Variants in GALNTL6 observed in about 807,000 individuals in gnomAD.
GALNTL6 encodes polypeptide N-acetylgalactosaminyltransferase like 6.
A neutral mutation model predicts 73.7 loss-of-function variants in GALNTL6; 46 were observed. The observed-to-expected ratio is 0.62, with a 90% CI of 0.49 to 0.80. The LOEUF (loss-of-function observed/expected upper bound fraction) is 0.80, where lower values mean the gene tolerates loss of function less well. Ranked by LOEUF, GALNTL6 falls within the 30% of genes least tolerant of loss-of-function variation. GALNTL6 has a pLI of 0.00. For missense variants in GALNTL6, 604 were observed against 755.0 expected, an observed-to-expected ratio of 0.80 and a Z score of 2.34; for synonymous variants, 259 against 263.7, an observed-to-expected ratio of 0.98 and a Z score of 0.17.
chr4:172,765,997 G>A (rs181154194), intron 5 of GALNTL6, among the ~76,000 whole-genome samples: 2 of 152,156 alleles, frequency 1.3e-5, no homozygotes, highest in African/African-American at 4.8e-5. Flanking sequence ...AACCATTCAG[G>A]GGGATAAATT....
At chr4:172,642,658 A>G (rs556146508) in intron 5 of GALNTL6, among the ~76,000 whole-genome samples, 29 of 152,122 alleles carry the variant, frequency 1.9e-4, no homozygotes, top group Admixed American at 1.7e-3. Context: ...CATGGTCACT[A>G]AAGTTAATAA....
intron 3 of GALNTL6, among the ~76,000 whole-genome samples, chr4:172,270,187 GTA>G (rs1401791929): frequency 1.7e-5 from 2 of 116,554 alleles, no homozygotes; most frequent in Non-Finnish European, 3.6e-5. Flanking sequence ...GTGTGTGTGT[GTA>G]TGTGTGTGTG....
chr4:172,795,598 TG>T (rs1300305878), intron 5 of GALNTL6, among the ~76,000 whole-genome samples: 3 of 152,216 alleles, frequency 2.0e-5, no homozygotes, highest in Non-Finnish European at 2.9e-5. Flanking sequence ...GTACACAAGA[TG>T]TTTTTTGATA....
chr4:171,882,328 A>T (rs1315017398), intron 2 of GALNTL6, among the ~76,000 whole-genome samples: 1 of 152,236 alleles, frequency 6.6e-6, no homozygotes, highest in African/African-American at 2.4e-5. Context: ...TAATATGTGG[A>T]TAGGAGATGC....
At chr4:171,988,860 T>C (rs1373852505) in intron 2 of GALNTL6, among the ~76,000 whole-genome samples, 1 of 151,924 alleles carries the variant, frequency 6.6e-6, no homozygotes, top group Non-Finnish European at 1.5e-5. Flanking sequence ...AGTAGAGGTG[T>C]CTTATACTTG....
rs17058998 is a variant in GALNTL6 at position 172,901,459 on chromosome 4, C to T, written c.1041+18552C>T. On this transcript the variant is annotated intron_variant, in intron 8 of 12. Transcript: ENST00000506823. Reference sequence around the variant, plus strand: ...ACAGTGGAAAGCACTGTAAAATATACCCTGGTCAGCATTTAAGGTCTGGAA... The same window carrying T: ...ACAGTGGAAAGCACTGTAAAATATATCCTGGTCAGCATTTAAGGTCTGGAA... Among the ~76,000 whole-genome samples the T allele has an allele frequency of 7.2e-3, 1,094 of 152,132 alleles. 15 individuals are homozygous for T. The highest frequency in any genetic ancestry group is 0.025 in the African/African-American group (1,042 of 41,528).
intron 5 of GALNTL6, among the ~76,000 whole-genome samples, chr4:172,680,851 A>G (rs1389306439): frequency 6.6e-6 from 1 of 152,248 alleles, no homozygotes; most frequent in East Asian, 1.9e-4. Context: ...CAAGGGTTAC[A>G]AAACAGTAAT....
At chr4:172,899,994 T>C (rs1240616633) in intron 8 of GALNTL6, among the ~76,000 whole-genome samples, 3 of 152,134 alleles carry the variant, frequency 2.0e-5, no homozygotes, top group African/African-American at 7.2e-5. Context: ...ATCAGCAAGG[T>C]CTTTATGACC....
At chr4:172,685,932 C>A (rs1732891486) in intron 5 of GALNTL6, among the ~76,000 whole-genome samples, 2 of 152,126 alleles carry the variant, frequency 1.3e-5, no homozygotes, top group Admixed American at 1.3e-4. Context: ...TGTATGCCAT[C>A]TGTCCAAGTT....
chr4:172,586,637 G>A (rs1268512422), intron 5 of GALNTL6, among the ~76,000 whole-genome samples: 1 of 152,172 alleles, frequency 6.6e-6, no homozygotes, highest in Non-Finnish European at 1.5e-5. Flanking sequence ...AGTGAGATTA[G>A]CACAAGACCA....
intron 2 of GALNTL6, among the ~76,000 whole-genome samples, chr4:171,844,820 T>C (rs1735329396): frequency 6.6e-6 from 1 of 152,146 alleles, no homozygotes; most frequent in East Asian, 1.9e-4. Context: ...AACAAGCAAT[T>C]TAGTCAGAGA....
intron 10 of GALNTL6, among the ~76,000 whole-genome samples, chr4:172,966,702 A>G (rs1750344893): frequency 6.6e-6 from 1 of 152,208 alleles, no homozygotes; most frequent in African/African-American, 2.4e-5. Flanking sequence ...CAGGGAGTCA[A>G]TTCTAAGACT....
intron 3 of GALNTL6, among the ~76,000 whole-genome samples, chr4:172,268,995 A>G (rs1036491542): frequency 6.6e-6 from 1 of 152,182 alleles, no homozygotes; most frequent in African/African-American, 2.4e-5. Context: ...CCCTTTAGTC[A>G]GAAAGGGAGA....
At chr4:171,918,540 G>C (rs919872326) in intron 2 of GALNTL6, among the ~76,000 whole-genome samples, 14 of 152,038 alleles carry the variant, frequency 9.2e-5, no homozygotes, top group Non-Finnish European at 1.9e-4. Flanking sequence ...GCACGGTGTT[G>C]GTAGGAATGC....
intron 10 of GALNTL6, among the ~76,000 whole-genome samples, chr4:172,990,885 T>C (rs1004684469): frequency 1.3e-5 from 2 of 152,206 alleles, no homozygotes; most frequent in Non-Finnish European, 2.9e-5. Context: ...TCTATGAATA[T>C]AACTCAAAGA....
At chr4:171,884,148 A>G (rs905096289) in intron 2 of GALNTL6, among the ~76,000 whole-genome samples, 1 of 152,138 alleles carries the variant, frequency 6.6e-6, no homozygotes, top group Non-Finnish European at 1.5e-5. Flanking sequence ...TTGCCTCTCA[A>G]CTGAAACCTG....
chr4:172,687,408 T>A (rs1732983837), intron 5 of GALNTL6, among the ~76,000 whole-genome samples: 4 of 151,928 alleles, frequency 2.6e-5, no homozygotes, highest in Admixed American at 2.6e-4. Flanking sequence ...GGCGGGCGGA[T>A]CACCAGGTCA....
chr4:172,291,151 A>G (rs1418853925), intron 3 of GALNTL6, among the ~76,000 whole-genome samples: 6 of 152,138 alleles, frequency 3.9e-5, no homozygotes, highest in Admixed American at 1.3e-4. Context: ...TGCTTCTAAT[A>G]TAATACATAA....
intron 10 of GALNTL6, among the ~76,000 whole-genome samples, chr4:172,984,074 T>G (rs1221034085): frequency 6.6e-6 from 1 of 152,116 alleles, no homozygotes; most frequent in Non-Finnish European, 1.5e-5. Context: ...AAACTATATA[T>G]GTAACAAACA....
Sources: gnomAD v4.1 joint callset for allele counts (sites outside exome capture counted in the v4.1 genomes callset) on GRCh38, gnomAD v4.1.1 for gene constraint, MANE v1.5 for transcripts, NCBI Gene and HGNC (gene_info 2026-07-23, HGNC 2026-07-21) for gene names.